Variants in SLC12A4 observed in about 807,000 individuals in gnomAD.
SLC12A4 encodes electroneutral potassium-chloride cotransporter 1.
In SLC12A4, 84 loss-of-function variants were observed where a neutral mutation model predicts 119.2. That is an observed-to-expected ratio of 0.70 (90% confidence interval 0.59 to 0.85). The LOEUF (loss-of-function observed/expected upper bound fraction) is 0.85, where lower values mean the gene tolerates loss of function less well. Among genes scored for constraint, SLC12A4 ranks in the 40% least tolerant of loss-of-function variants. The probability of loss-of-function intolerance (pLI) is 0.00; values close to 1 mark genes in which losing one functional copy is unlikely to be tolerated. For missense variants in SLC12A4, 1,298 were observed against 1,476.3 expected (o/e 0.88, Z 1.98); for synonymous variants, 599 against 604.6 (o/e 0.99, Z 0.14).
chr16:67,944,616 G>C lies in SLC12A4; in HGVS notation c.*224C>G. The C allele has an allele frequency of 7.1e-7, 1 of 1,406,406 alleles. No individual in the cohort carries two copies. Among genetic ancestry groups the C allele is most frequent in the Non-Finnish European group, 9.2e-7 (1 of 1,082,712 alleles). 87.1% of individuals were successfully genotyped at this position (1,406,406 alleles called of 1,614,324 possible). On this transcript the variant is annotated 3_prime_UTR_variant, in exon 24 of 24. Transcript: ENST00000316341. This position sits in a 1 kb window ranked among gnomAD's most constrained non-coding sequence, Gnocchi z 6.6. Reference sequence around the variant, plus strand: ...CCAGGACAGGCCTACTGGGGTGCTAGATAGTAAAGTCCCCAAACATCCCAG... The same window carrying C: ...CCAGGACAGGCCTACTGGGGTGCTACATAGTAAAGTCCCCAAACATCCCAG...
chr16:67,946,800 C>T, intron 17 of SLC12A4, 137 bp downstream of exon 17: 7 of 1,247,596 alleles, frequency 5.6e-6, no homozygotes, highest in Middle Eastern at 5.3e-4. Context: ...CTGGCTCCCC[C>T]TTGTGCCAGC....
intron 6 of SLC12A4, among the ~76,000 whole-genome samples, 194 bp from the exon 7 acceptor site, chr16:67,952,619 G>A (rs900243527): frequency 7.2e-6 from 1 of 138,824 alleles, no homozygotes; most frequent in African/African-American, 2.7e-5. Flanking sequence ...GCCAACATGG[G>A]GAAACGCCAT....
intron 1 of SLC12A4, chr16:67,964,113 G>C: frequency 1.3e-6 from 2 of 1,514,894 alleles, no homozygotes; most frequent in Non-Finnish European, 1.8e-6. Context: ...CGGGAGGTGG[G>C]GCAAGCCCCA....
chr16:67,963,833 C>T (rs2030715152), intron 1 of SLC12A4: 1 of 1,466,002 alleles, frequency 6.8e-7, no homozygotes, highest in Admixed American at 2.1e-5. Context: ...CACGTATGGA[C>T]ACTGAGGGAC....
chr16:67,945,915 G>C, intron 20 of SLC12A4, 36 bp downstream of exon 20: 1 of 1,613,018 alleles, frequency 6.2e-7, no homozygotes, highest in Non-Finnish European at 8.5e-7. Flanking sequence ...CACGGGACAT[G>C]GTATCCACGG....
rs765132373 is a variant in SLC12A4, at chr16:67,949,966, C to T, written c.1630-48G>A. 18 of 1,456,822 alleles carry T rather than the reference C, an allele frequency of 1.2e-5. No individual in the cohort carries two copies. Among genetic ancestry groups the T allele is most frequent in the Admixed American group, 1.7e-5 (1 of 57,488 alleles). 90.2% of individuals were successfully genotyped at this position (1,456,822 alleles called of 1,614,324 possible). A position where few individuals can be genotyped will look rare whatever the true frequency, so the allele number is the denominator to read the frequency against. Reference sequence around the variant, plus strand: ...TGGGTCCTGTCACCCCCATTCCACACCTTGGGCCCCAGACCCCAGCCTGGC... The same window carrying T: ...TGGGTCCTGTCACCCCCATTCCACATCTTGGGCCCCAGACCCCAGCCTGGC... On this transcript the variant is annotated intron_variant, in intron 12 of 23. Transcript: ENST00000316341. The surrounding 1 kb of genome is among the most constrained non-coding windows in gnomAD (Gnocchi z 4.6).
Position 67,944,095 on chromosome 16 carries a change from G to A in SLC12A4, c.*745C>T. The A allele has an allele frequency of 1.3e-6, 2 of 1,547,660 alleles. No individual in the cohort carries two copies. The highest frequency in any genetic ancestry group is 1.7e-6 in the Non-Finnish European group (2 of 1,146,152). On this transcript the variant is annotated 3_prime_UTR_variant, in exon 24 of 24. Transcript: ENST00000316341. The surrounding 1 kb of genome is among the most constrained non-coding windows in gnomAD (Gnocchi z 6.6). ...ACCCACTGCCATGGGGAGCCGGGCG[G>A]CCCCATTCCAGCCCTGGTGCCTACT...
intron 1 of SLC12A4, among the ~76,000 whole-genome samples, chr16:67,966,405 C>A (rs1223196744): frequency 6.6e-6 from 1 of 152,248 alleles, no homozygotes; most frequent in African/African-American, 2.4e-5. Flanking sequence ...TGCTCAGACA[C>A]CACCTGAGAT....
rs941407504 is a variant in SLC12A4, at chr16:67,950,583, G to A, written c.1454+71C>T. 130 of 1,606,534 alleles carry A rather than the reference G, an allele frequency of 8.1e-5. No homozygotes were observed. Among genetic ancestry groups the A allele is most frequent in the Admixed American group, 1.2e-4 (7 of 59,176 alleles). ...AGCCAGCAGGCTTAGGACCACCCAC[G>A]GGGTTGGGAGCTGGTGTGAGGGCAG... On this transcript the variant is annotated intron_variant, in intron 11 of 23. Coordinates refer to ENST00000316341, the MANE Select transcript of SLC12A4 (RefSeq NM_005072.5). The surrounding 1 kb of genome is among the most constrained non-coding windows in gnomAD (Gnocchi z 4.3).
At position 67,954,819 on chromosome 16, in the gene SLC12A4, C is replaced by T. The variant is rs748457006; in HGVS notation, c.545-46G>A. 11 of 1,610,952 alleles carry T rather than the reference C, an allele frequency of 6.8e-6. No homozygotes were observed. The African/African-American group carries it at 1.5e-4, about 22-fold the overall frequency. On this transcript the variant is annotated intron_variant, in intron 5 of 23. Transcript: ENST00000316341. Reference sequence around the variant, plus strand: ...TGTGCACAGGTCAAGGCTGGTTCTTCTTCAAGGGGTCTCCCTGTGACAAGC... The same window carrying T: ...TGTGCACAGGTCAAGGCTGGTTCTTTTTCAAGGGGTCTCCCTGTGACAAGC...
intron 1 of SLC12A4, chr16:67,966,654 G>C: frequency 6.9e-7 from 1 of 1,442,254 alleles, no homozygotes; most frequent in African/African-American, 1.4e-5. Context: ...AGAGGTGTGG[G>C]CACTGAACTG....
rs766774781 is a variant in SLC12A4, at chr16:67,949,761, C to G, written c.1748+39G>C. ...CGGGGAGGTGCTGGGGTTCAGGAAG[C>G]CTTTCCCCATCCCCCTGCCCTGCCC... On this transcript the variant is annotated intron_variant, in intron 13 of 23. Transcript: ENST00000316341. The surrounding 1 kb of genome is among the most constrained non-coding windows in gnomAD (Gnocchi z 4.6). 6.4e-6 allele frequency: 9 copies of G among 1,415,952 alleles called. No individual in the cohort carries two copies. The highest frequency in any genetic ancestry group is 7.8e-6 in the Non-Finnish European group (8 of 1,019,336). The allele number at this position is 1,415,952 out of a possible 1,614,324, so 87.7% of individuals were successfully genotyped here.
chr16:67,966,127 G>C (rs909588611), intron 1 of SLC12A4, among the ~76,000 whole-genome samples: 20 of 152,238 alleles, frequency 1.3e-4, no homozygotes, highest in Admixed American at 2.0e-4. Flanking sequence ...CTTACTCCCT[G>C]TGCGGCCTTG....
intron 3 of SLC12A4, among the ~76,000 whole-genome samples, chr16:67,960,574 G>A (rs2030508328): frequency 6.6e-6 from 1 of 151,208 alleles, no homozygotes; most frequent in Non-Finnish European, 1.5e-5. Flanking sequence ...TCCCAGCCAG[G>A]AGCGCCTTCT....
At chr16:67,956,851 T>C (rs866128721) in intron 5 of SLC12A4, among the ~76,000 whole-genome samples, 62 of 150,866 alleles carry the variant, frequency 4.1e-4, no homozygotes, top group South Asian at 1.0e-3. Flanking sequence ...TATATATATA[T>C]ACAATTTATG....
rs1230809338 is a variant in SLC12A4, at chr16:67,945,007, G to C, written c.3167-76C>G. On this transcript the variant is annotated intron_variant, in intron 23 of 23. Coordinates refer to ENST00000316341, the MANE Select transcript of SLC12A4 (RefSeq NM_005072.5). The stretch of plus-strand genomic sequence containing the variant: ...GGCCACCTGGGCCATGCCCACCCAG[G>C]GGTGCCCAGGAGAGAAGCCGCTGGC... The C allele has an allele frequency of 3.7e-6, 6 of 1,607,136 alleles. No homozygotes were observed. In the East Asian group the frequency reaches 1.1e-4, roughly 30 times the overall value.
In SLC12A4 at chr16:67,957,998, T is replaced by C; in HGVS notation, c.389A>G (p.Gln130Arg). Residue 130 changes from glutamine to arginine, a missense_variant, in exon 4 of 24, where the codon CAG (glutamine) becomes CGG (arginine). Gln to Arg is a conservative substitution (Grantham distance 43). Coordinates refer to ENST00000316341, the MANE Select transcript of SLC12A4 (RefSeq NM_005072.5). ...TLMGVYLPCL[Q>R]NIFGVILFLR... ...GAAGAGGATAACCCCAAAGATATTC[T>C]GCAGGCAGGGCAGGTACACCCCCAT... The C allele has an allele frequency of 1.2e-6, 2 of 1,614,202 alleles. No individual in the cohort carries two copies. Among genetic ancestry groups the C allele is most frequent in the East Asian group, 2.2e-5 (1 of 44,880 alleles).
chr16:67,944,564 C>A lies in SLC12A4; in HGVS notation c.*276G>T, dbSNP rs1223390763. The A allele has an allele frequency of 7.7e-7, 1 of 1,305,538 alleles. No homozygotes were observed. Among genetic ancestry groups the A allele is most frequent in the Non-Finnish European group, 9.7e-7 (1 of 1,028,102 alleles). The allele number at this position is 1,305,538 out of a possible 1,614,324, so 80.9% of individuals were successfully genotyped here. On this transcript the variant is annotated 3_prime_UTR_variant, in exon 24 of 24. Transcript: ENST00000316341. The surrounding 1 kb of genome is among the most constrained non-coding windows in gnomAD (Gnocchi z 6.6). Reference sequence around the variant, plus strand: ...GGCCGGGCCGGCTGCCTTCAAACCCCACTCGGCCCCTACCAGTCTTCTCTG... The same window carrying A: ...GGCCGGGCCGGCTGCCTTCAAACCCAACTCGGCCCCTACCAGTCTTCTCTG...
At chr16:67,958,375 T>C (rs1169262610) in intron 3 of SLC12A4, among the ~76,000 whole-genome samples, 1 of 152,110 alleles carries the variant, frequency 6.6e-6, no homozygotes, top group Non-Finnish European at 1.5e-5. Flanking sequence ...CAGCAGGCCC[T>C]AAGTCACCCA....
Sources: allele counts gnomAD v4.1 joint callset (sites outside exome capture counted in the v4.1 genomes callset), GRCh38; gene constraint gnomAD v4.1.1; non-coding constraint Gnocchi (gnomAD v3.1); transcripts MANE v1.5; gene names NCBI Gene and HGNC (gene_info 2026-07-23, HGNC 2026-07-21).